Variants in WNK2 observed in about 807,000 individuals in gnomAD.
WNK2 encodes serine/threonine-protein kinase WNK2.
Under a neutral mutation model 192.1 loss-of-function variants are expected in WNK2, and 67 were observed. That is an observed-to-expected ratio of 0.35 (90% confidence interval 0.29 to 0.43). The LOEUF (loss-of-function observed/expected upper bound fraction) is 0.43. WNK2 is among the 20% of genes least tolerant of loss of function. The probability of loss-of-function intolerance (pLI) is 1.00; values close to 1 mark genes in which losing one functional copy is unlikely to be tolerated. For missense variants in WNK2, 2,698 were observed against 3,089.7 expected (o/e 0.87, Z 3.01); for synonymous variants, 1,439 against 1,393.9 (o/e 1.03, Z -0.72).
At chr9:93,243,468 C>T (rs906485545) in intron 7 of WNK2, among the ~76,000 whole-genome samples, 6 of 152,218 alleles carry the variant, frequency 3.9e-5, no homozygotes, top group South Asian at 2.1e-4. Flanking sequence ...CCTTCACCCC[C>T]GCTTCTGCAT....
At chr9:93,272,686 C>T (rs906484037) in intron 19 of WNK2, among the ~76,000 whole-genome samples, 8 of 132,794 alleles carry the variant, frequency 6.0e-5, no homozygotes, top group Admixed American at 1.8e-4. Context: ...TGCAGTAAGC[C>T]GAGATCGCGC....
intron 8 of WNK2, among the ~76,000 whole-genome samples, chr9:93,250,904 C>T (rs888512843): frequency 2.0e-5 from 3 of 150,836 alleles, no homozygotes; most frequent in African/African-American, 7.3e-5. Flanking sequence ...TCTGCATCAG[C>T]CTCCCTAGTA....
chr9:93,293,662 T>A (rs12683662), intron 23 of WNK2, among the ~76,000 whole-genome samples: 103 of 152,106 alleles, frequency 6.8e-4, no homozygotes, highest in African/African-American at 2.3e-3. Context: ...CAGAGTCCTC[T>A]GGGCTGGGCC....
In WNK2 at chr9:93,288,909, C is replaced by A. The variant is rs763747322; in HGVS notation, c.4155C>A (p.Ala1385=). Residue 1385 remains alanine, a synonymous_variant, in exon 20 of 30, where the codon GCC becomes GCA. Transcript: ENST00000427277. ...NPPGAPPAPL[A]PSSPPVTALP... ...CTGGGGCACCCCCAGCCCCTTTGGC[C>A]CCCTCCTCCCCTCCTGTGACTGCTC... 1 of 1,606,048 alleles carries A rather than the reference C, an allele frequency of 6.2e-7. No individual in the cohort carries two copies. The highest frequency in any genetic ancestry group is 1.3e-5 in the African/African-American group (1 of 74,788).
intron 21 of WNK2, among the ~76,000 whole-genome samples, chr9:93,290,448 G>A (rs1036550351): frequency 2.0e-5 from 3 of 151,858 alleles, no homozygotes; most frequent in Non-Finnish European, 4.4e-5. Flanking sequence ...AAGACTGGAT[G>A]CCCCTGACTT....
At position 93,249,038 on chromosome 9, in the gene WNK2, C is replaced by T. The variant is rs150873818; in HGVS notation, c.1834+1204C>T. ...TCATCATGTTGAGATGGTTTGCCTA[C>T]TATTTATGTCACTCGAACCTGCGCA... is the stretch of plus-strand genomic sequence containing the variant. On this transcript the variant is annotated intron_variant, in intron 8 of 29. Coordinates refer to ENST00000427277, the MANE Select transcript of WNK2 (RefSeq NM_006648.4). Among the ~76,000 whole-genome samples, 356 of 152,280 alleles carry T rather than the reference C, an allele frequency of 2.3e-3. 6 individuals are homozygous for T. The highest frequency in any genetic ancestry group is 0.016 in the Admixed American group (238 of 15,298).
At chr9:93,320,061 T>A (rs72743448) in intron 29 of WNK2, among the ~76,000 whole-genome samples, 4,013 of 152,266 alleles carry the variant, frequency 0.026, 88 homozygotes, top group South Asian at 0.076. Flanking sequence ...TCCCAGAGCC[T>A]CCTGTTTTGG....
At chr9:93,222,736 G>A (rs1400956658) in intron 2 of WNK2, among the ~76,000 whole-genome samples, 2 of 152,148 alleles carry the variant, frequency 1.3e-5, no homozygotes, top group South Asian at 2.1e-4. Context: ...AGGCTGGAGT[G>A]CAATGGTGTG....
intron 29 of WNK2, chr9:93,318,844 C>T: frequency 7.1e-7 from 1 of 1,400,512 alleles, no homozygotes; most frequent in Non-Finnish European, 9.3e-7. Flanking sequence ...GGGGAAGGCC[C>T]CAGCCTCCTC....
intron 29 of WNK2, chr9:93,319,335 T>G: frequency 7.2e-7 from 1 of 1,397,678 alleles, no homozygotes; most frequent in Non-Finnish European, 9.3e-7. Context: ...TGGAGGAGGG[T>G]GCTGAGGGGC....
chr9:93,256,873 G>A (rs1843392015), intron 10 of WNK2, 75 bp from the exon 11 acceptor site: 19 of 1,371,158 alleles, frequency 1.4e-5, no homozygotes, highest in Non-Finnish European at 1.8e-5. Flanking sequence ...TTGATATCCT[G>A]TCATGTGTAA....
At chr9:93,235,129 G>A (rs1839578724) in intron 5 of WNK2, among the ~76,000 whole-genome samples, 164 bp downstream of exon 5, 1 of 152,222 alleles carries the variant, frequency 6.6e-6, no homozygotes, top group South Asian at 2.1e-4. Context: ...TTTTACAGAG[G>A]GGGAAACTGA....
In WNK2 at chr9:93,289,071, T is replaced by A. The variant is rs1298955569; in HGVS notation, c.4317T>A (p.Thr1439=). 2 of 1,607,452 alleles carry A rather than the reference T, an allele frequency of 1.2e-6. No homozygotes were observed. Among genetic ancestry groups the A allele is most frequent in the Non-Finnish European group, 1.7e-6 (2 of 1,177,520 alleles). ...ELETSQPLAE[T]HEAPLAVQPL... ...AGACGTCTCAGCCACTAGCGGAGACTCACGAGGCCCCGCTTGCTGTGCAGC... is the reference window on the plus strand; with the variant it reads ...AGACGTCTCAGCCACTAGCGGAGACACACGAGGCCCCGCTTGCTGTGCAGC... Residue 1439 remains threonine (T), a synonymous_variant, in exon 20 of 30, where the codon ACT becomes ACA. Transcript: ENST00000427277.
intron 2 of WNK2, among the ~76,000 whole-genome samples, chr9:93,211,768 C>T (rs1834811425): frequency 6.6e-6 from 1 of 152,132 alleles, no homozygotes; most frequent in African/African-American, 2.4e-5. Context: ...CTCACTCGTC[C>T]ACTTACTCAT....
intron 26 of WNK2, 169 bp downstream of exon 26, chr9:93,300,318 C>T (rs117881585): frequency 0.016 from 9,168 of 566,872 alleles, 110 homozygotes; most frequent in Middle Eastern, 0.06. Context: ...TCCCCTGGAG[C>T]GGCGGCCGCC....
rs2132005001 is a variant in WNK2 at position 93,229,567 on chromosome 9, A to G, written c.682-129A>G. On this transcript the variant is annotated intron_variant, in intron 2 of 29. Coordinates refer to ENST00000427277, the MANE Select transcript of WNK2 (RefSeq NM_006648.4). The surrounding 1 kb of genome is among the most constrained non-coding windows in gnomAD (Gnocchi z 4.9). The stretch of plus-strand genomic sequence containing the variant: ...GCCAGTGTCTGCATGCCCTTCTATC[A>G]TAGCCGCTTAGCTGCCTGTGGGTAT... 1.9e-6 allele frequency: 2 copies of G among 1,069,106 alleles called. No individual in the cohort carries two copies. Among genetic ancestry groups the G allele is most frequent in the Non-Finnish European group, 2.7e-6 (2 of 751,732 alleles). The allele number at this position is 1,069,106 out of a possible 1,614,324, so 66.2% of individuals were successfully genotyped here.
chr9:93,192,777 C>T (rs1830565337), intron 2 of WNK2, among the ~76,000 whole-genome samples: 1 of 152,208 alleles, frequency 6.6e-6, no homozygotes, highest in Admixed American at 6.5e-5. Flanking sequence ...GGGAGTTACC[C>T]TTCTTCCCAC....
chr9:93,318,403 C>G, intron 29 of WNK2: 1 of 1,614,060 alleles, frequency 6.2e-7, no homozygotes, highest in Non-Finnish European at 8.5e-7. Flanking sequence ...TGGGCTCATC[C>G]AGGGGCTGAG....
At chr9:93,274,161 T>C (rs959539519) in intron 19 of WNK2, among the ~76,000 whole-genome samples, 3 of 152,166 alleles carry the variant, frequency 2.0e-5, no homozygotes, top group African/African-American at 7.2e-5. Flanking sequence ...AACTTATTTT[T>C]AAAAACGTTA....
Sources: allele counts gnomAD v4.1 joint callset (sites outside exome capture counted in the v4.1 genomes callset), GRCh38; gene constraint gnomAD v4.1.1; non-coding constraint Gnocchi (gnomAD v3.1); transcripts MANE v1.5; gene names NCBI Gene and HGNC (gene_info 2026-07-23, HGNC 2026-07-21).